The following NACC2 variants were observed in gnomAD, a reference collection of about 807,000 sequenced individuals.
NACC2 encodes nucleus accumbens-associated protein 2.
Under a neutral mutation model 25.1 loss-of-function variants are expected in NACC2, and 8 were observed. The observed-to-expected ratio is 0.32, with a 90% CI of 0.19 to 0.57. NACC2 has a LOEUF of 0.57. Among genes scored for constraint, NACC2 ranks in the 20% least tolerant of loss-of-function variants. The probability of loss-of-function intolerance (pLI) is 0.89; values close to 1 mark genes in which losing one functional copy is unlikely to be tolerated. For missense variants in NACC2, 644 were observed against 650.2 expected (o/e 0.99, Z 0.10); for synonymous variants, 435 against 294.7 (o/e 1.48, Z -4.88).
At chr9:136,014,462 C>T (rs947089831) in intron 3 of NACC2, among the ~76,000 whole-genome samples, 6 of 152,122 alleles carry the variant, frequency 3.9e-5, no homozygotes, top group Non-Finnish European at 8.8e-5. Context: ...CACCACCATG[C>T]CCAGTTAATT....
chr9:136,045,494 A>T lies in NACC2; in HGVS notation c.886+4142T>A, dbSNP rs7847985. On this transcript the variant is annotated intron_variant, in intron 2 of 5. Coordinates refer to ENST00000277554, the MANE Select transcript of NACC2 (RefSeq NM_144653.5). ...AGAGTGACATCTGCCAGCTGCAATT[A>T]AACATCTGCCCGCCCGAAGCCACTG... Among the ~76,000 whole-genome samples the T allele has an allele frequency of 1.3e-3, 200 of 151,970 alleles. 2 individuals are homozygous for T. The highest frequency in any genetic ancestry group is 4.6e-3 in the African/African-American group (189 of 41,258).
At chr9:136,036,170 G>A (rs1840549497) in intron 2 of NACC2, among the ~76,000 whole-genome samples, 3 of 152,306 alleles carry the variant, frequency 2.0e-5, no homozygotes, top group African/African-American at 7.2e-5. Context: ...GCGAAGAAGT[G>A]GGGCAAAATA....
intron 2 of NACC2, among the ~76,000 whole-genome samples, chr9:136,028,665 G>C (rs1840432348): frequency 6.6e-6 from 1 of 152,140 alleles, no homozygotes; most frequent in South Asian, 2.1e-4. Context: ...TGGAGGGGTG[G>C]GAGTTCCACC....
chr9:136,069,318 A>G (rs996190006), intron 1 of NACC2, among the ~76,000 whole-genome samples: 2 of 145,510 alleles, frequency 1.4e-5, no homozygotes, highest in African/African-American at 5.6e-5. Flanking sequence ...AGGCTGAGCC[A>G]GGTGGATCTC....
intron 1 of NACC2, among the ~76,000 whole-genome samples, chr9:136,075,604 G>T (rs1268711336): frequency 6.6e-6 from 1 of 152,228 alleles, no homozygotes; most frequent in Admixed American, 6.5e-5. Flanking sequence ...TTCAGGGTTC[G>T]GGGTCGCAGG....
chr9:136,013,238 G>T lies in NACC2; in HGVS notation c.1216C>A (p.Arg406=), dbSNP rs1296452228. Residue 406 remains arginine, a synonymous_variant, in exon 5 of 6, where the codon CGG becomes AGG. Transcript: ENST00000277554. The surrounding 1 kb of genome is among the most constrained non-coding windows in gnomAD (Gnocchi z 6.6). ...AGGACCCGGCTGTCCAGCGGCTTCCGGCTGGGGTCGCTGGTGGACGAGCGG... is the reference window on the plus strand; with the variant it reads ...AGGACCCGGCTGTCCAGCGGCTTCCTGCTGGGGTCGCTGGTGGACGAGCGG... ...GIRSSTSDPS[R]KPLDSRVLNA... 1.3e-6 allele frequency: 2 copies of T among 1,555,486 alleles called. No homozygotes were observed. The highest frequency in any genetic ancestry group is 3.5e-5 in the Admixed American group (2 of 57,344).
At position 136,007,517 on chromosome 9, in the gene NACC2, A is replaced by G. The variant is rs12377266; in HGVS notation, c.*3999T>C. 24 of 83,952 alleles carry G rather than the reference A, an allele frequency of 2.9e-4. No individual in the cohort carries two copies. The Middle Eastern group carries it at 7.9e-3, about 28-fold the overall frequency. The allele number at this position is 83,952 out of a possible 1,614,324, so 5.2% of individuals were successfully genotyped here. A position where few individuals can be genotyped will look rare whatever the true frequency, so the allele number is the denominator to read the frequency against. Reference sequence around the variant, plus strand: ...GACACACACATGCACAGACGCGCACACACAGACGCACAGACGTGCACACAC... The same window carrying G: ...GACACACACATGCACAGACGCGCACGCACAGACGCACAGACGTGCACACAC... On this transcript the variant is annotated 3_prime_UTR_variant, in exon 6 of 6. Coordinates refer to ENST00000277554, the MANE Select transcript of NACC2 (RefSeq NM_144653.5).
At chr9:136,033,684 A>C (rs542902821) in intron 2 of NACC2, among the ~76,000 whole-genome samples, 1 of 151,914 alleles carries the variant, frequency 6.6e-6, no homozygotes, top group Non-Finnish European at 1.5e-5. Flanking sequence ...TCTAGGAATA[A>C]ATCTTTTTAA....
intron 2 of NACC2, among the ~76,000 whole-genome samples, chr9:136,038,150 G>T (rs1840581136): frequency 6.6e-6 from 1 of 152,218 alleles, no homozygotes. Flanking sequence ...GGGAAGCGGG[G>T]GGAAATGACC....
intron 1 of NACC2, among the ~76,000 whole-genome samples, chr9:136,066,489 A>C (rs570077135): frequency 2.0e-5 from 3 of 152,202 alleles, no homozygotes; most frequent in African/African-American, 7.2e-5. Context: ...TATAATCAAA[A>C]AGACAGAAAA....
chr9:136,057,882 C>T (rs1038226231), intron 1 of NACC2, among the ~76,000 whole-genome samples: 6 of 152,336 alleles, frequency 3.9e-5, no homozygotes, highest in East Asian at 3.9e-4. Context: ...CAATGGGAGG[C>T]GGTCTGGAGC....
Position 136,007,484 on chromosome 9 carries a change from C to T in NACC2, c.*4032G>A, listed in dbSNP as rs995308015. 2 of 151,852 alleles carry T rather than the reference C, an allele frequency of 1.3e-5. No homozygotes were observed. 9.4% of individuals were successfully genotyped at this position (151,852 alleles called of 1,614,324 possible). A position where few individuals can be genotyped will look rare whatever the true frequency, so the allele number is the denominator to read the frequency against. On this transcript the variant is annotated 3_prime_UTR_variant, in exon 6 of 6. Transcript: ENST00000277554. The stretch of plus-strand genomic sequence containing the variant: ...ACAGACGCACACACACAGACGCACA[C>T]ACGCACAGACACACACATGCACAGA...
chr9:136,037,728 C>T (rs1289644297), intron 2 of NACC2, among the ~76,000 whole-genome samples: 1 of 151,968 alleles, frequency 6.6e-6, no homozygotes, highest in Non-Finnish European at 1.5e-5. Flanking sequence ...AGGCTGGTCT[C>T]GATCTCCTGA....
intron 2 of NACC2, among the ~76,000 whole-genome samples, chr9:136,023,052 G>GGGAGGGAGGAGGGAGGGA: frequency 7.5e-5 from 1 of 13,388 alleles, no homozygotes. Flanking sequence ...GAGGGAAGGA[G>GGGAGGGAGGAGGGAGGGA]GGAGGAAGGA....
At chr9:136,091,786 A>G (rs1418460940) in intron 1 of NACC2, among the ~76,000 whole-genome samples, 1 of 152,058 alleles carries the variant, frequency 6.6e-6, no homozygotes, top group African/African-American at 2.4e-5. Context: ...TTTACAAATG[A>G]TCTCATCTCA....
In NACC2 at chr9:136,086,658, C is replaced by G. The variant is rs1472649405; in HGVS notation, c.-60+8531G>C. On this transcript the variant is annotated intron_variant, in intron 1 of 5. Coordinates refer to ENST00000277554, the MANE Select transcript of NACC2 (RefSeq NM_144653.5). This position sits in a 1 kb window ranked among gnomAD's most constrained non-coding sequence, Gnocchi z 5.6. ...ACAATAATTAACACGAATCCTGTTC[C>G]CAAACTTACATAACCGCAGATGACA... is the stretch of plus-strand genomic sequence containing the variant. Among the ~76,000 whole-genome samples, 3 of 152,186 alleles carry G rather than the reference C, an allele frequency of 2.0e-5. No individual in the cohort carries two copies. Among genetic ancestry groups the G allele is most frequent in the Non-Finnish European group, 4.4e-5 (3 of 68,026 alleles).
At chr9:136,029,684 T>C (rs1840444772) in intron 2 of NACC2, among the ~76,000 whole-genome samples, 1 of 152,184 alleles carries the variant, frequency 6.6e-6, no homozygotes, top group African/African-American at 2.4e-5. Context: ...TGTTTCCCAG[T>C]GTCAGCAGAA....
intron 2 of NACC2, among the ~76,000 whole-genome samples, chr9:136,034,767 C>T (rs1840527454): frequency 6.6e-6 from 1 of 151,982 alleles, no homozygotes; most frequent in South Asian, 2.1e-4. Context: ...AGACTGCTAA[C>T]TAGTAAATAT....
chr9:136,023,422 T>G (rs1042247282), intron 2 of NACC2, among the ~76,000 whole-genome samples: 2 of 151,964 alleles, frequency 1.3e-5, no homozygotes, highest in African/African-American at 4.8e-5. Context: ...AGCTCAACAG[T>G]CCCATCAAAC....
Sources: gnomAD v4.1 joint callset for allele counts (sites outside exome capture counted in the v4.1 genomes callset) on GRCh38, gnomAD v4.1.1 for gene constraint, Gnocchi (gnomAD v3.1) non-coding constraint, MANE v1.5 for transcripts, NCBI Gene and HGNC (gene_info 2026-07-23, HGNC 2026-07-21) for gene names.